PLAAT3: variants seen among roughly 807,000 people sequenced by gnomAD.
PLAAT3 encodes Ca-independent phospholipase A1/2.
In PLAAT3, 21 loss-of-function variants were observed where a neutral mutation model predicts 16.7. The observed-to-expected ratio is 1.26, with a 90% confidence interval of 0.89 to 1.81. The LOEUF (loss-of-function observed/expected upper bound fraction) is 1.81. PLAAT3 is among the 40% of genes most tolerant of loss of function. PLAAT3 has a pLI of 0.00. For missense variants in PLAAT3, 219 were observed against 213.7 expected (o/e 1.02, Z -0.16); for synonymous variants, 76 against 81.7 (o/e 0.93, Z 0.38).
At chr11:63,603,523 A>G (rs1180038271) in intron 2 of PLAAT3, among the ~76,000 whole-genome samples, 1 of 152,148 alleles carries the variant, frequency 6.6e-6, no homozygotes, top group East Asian at 1.9e-4. Context: ...TGCCGGGCTT[A>G]ATACCCAGGT....
In PLAAT3 at chr11:63,598,163, G is replaced by A. The variant is rs1213178424; in HGVS notation, c.16C>T (p.Pro6Ser). Residue 6 changes from proline (P) to serine (S), a missense_variant and splice_region_variant, in exon 3 of 5, where the codon CCA (proline) becomes TCA (serine). Physicochemically the swap from Pro to Ser is moderately conservative, Grantham distance 74 (BLOSUM62 -1). Coordinates refer to ENST00000415826, the MANE Select transcript of PLAAT3 (RefSeq NM_001128203.2). ...ATCAGGTCTCCAGGCTTAGGCTCTG[G>A]CTGCAAAACCAAGAACAGGGCTGTT... MRAPI[P>S]EPKPGDLIEI... 1.9e-6 allele frequency: 3 copies of A among 1,610,304 alleles called. No individual in the cohort carries two copies. The highest frequency in any genetic ancestry group is 1.7e-5 in the Admixed American group (1 of 59,982).
chr11:63,611,079 A>T (rs571272033), intron 2 of PLAAT3, among the ~76,000 whole-genome samples: 1 of 152,176 alleles, frequency 6.6e-6, no homozygotes, highest in East Asian at 1.9e-4. Flanking sequence ...ATTGCTGTAG[A>T]GGATAGTTTT....
chr11:63,609,717 T>C (rs1050640487), intron 2 of PLAAT3, among the ~76,000 whole-genome samples: 15 of 152,150 alleles, frequency 9.9e-5, no homozygotes, highest in African/African-American at 3.4e-4. Context: ...TGCCACCCTG[T>C]GCCCAGGCCT....
chr11:63,607,040 T>C (rs150491120), intron 2 of PLAAT3, among the ~76,000 whole-genome samples: 1,565 of 152,018 alleles, frequency 0.01, 16 homozygotes, highest in Middle Eastern at 0.095. Flanking sequence ...GATCTGGGCA[T>C]GAGTAGTAAT....
At chr11:63,581,957 G>T (rs1937829187) in intron 4 of PLAAT3, among the ~76,000 whole-genome samples, 1 of 152,198 alleles carries the variant, frequency 6.6e-6, no homozygotes, top group African/African-American at 2.4e-5. Context: ...CACTAGAAAA[G>T]AATGTCAATG....
intron 2 of PLAAT3, among the ~76,000 whole-genome samples, chr11:63,603,703 TACACACAC>T (rs67821162): frequency 0.1 from 11,894 of 116,830 alleles, 537 homozygotes; most frequent in South Asian, 0.17. Flanking sequence ...TAAATTATCC[TACACACAC>T]ACACACACAC....
At chr11:63,593,048 T>G (rs750270455) in intron 3 of PLAAT3, among the ~76,000 whole-genome samples, 6 of 152,156 alleles carry the variant, frequency 3.9e-5, no homozygotes, top group East Asian at 3.9e-4. Context: ...TCCCCAACCC[T>G]CTATCTACCA....
At chr11:63,585,610 A>G (rs1350090576) in intron 4 of PLAAT3, among the ~76,000 whole-genome samples, 2 of 152,116 alleles carry the variant, frequency 1.3e-5, no homozygotes, top group African/African-American at 2.4e-5. Flanking sequence ...CAAGAAATGA[A>G]AGAGGAAATC....
intron 2 of PLAAT3, among the ~76,000 whole-genome samples, chr11:63,598,410 T>C (rs968491373): frequency 2.6e-5 from 4 of 152,260 alleles, no homozygotes; most frequent in Admixed American, 2.6e-4. Context: ...GGTTTCTTCA[T>C]GAGCTGGAGT....
At chr11:63,582,695 G>A (rs1937855729) in intron 4 of PLAAT3, among the ~76,000 whole-genome samples, 1 of 152,138 alleles carries the variant, frequency 6.6e-6, no homozygotes, top group Admixed American at 6.6e-5. Context: ...TTACACTGCT[G>A]TGTTTCCTGA....
chr11:63,616,176 A>G (rs1177741622), upstream of PLAAT3: 1 of 152,176 alleles, frequency 6.6e-6, no homozygotes, highest in Non-Finnish European at 1.5e-5. Context: ...CATGTTGTGC[A>G]ATAGATCTGG....
chr11:63,613,841 G>C (rs1002708820), intron 2 of PLAAT3, among the ~76,000 whole-genome samples, 159 bp downstream of exon 2: 28 of 152,198 alleles, frequency 1.8e-4, no homozygotes, highest in African/African-American at 6.8e-4. Context: ...GGTGCGCGCC[G>C]ACCCGCAGCT....
chr11:63,575,377 C>T (rs1261969462), intron 4 of PLAAT3, among the ~76,000 whole-genome samples: 2 of 152,124 alleles, frequency 1.3e-5, no homozygotes, highest in East Asian at 3.9e-4. Flanking sequence ...TCTTGGCTGG[C>T]CAATGGGGAG....
chr11:63,583,588 C>T (rs937647550), intron 4 of PLAAT3, among the ~76,000 whole-genome samples: 30 of 152,168 alleles, frequency 2.0e-4, no homozygotes, highest in African/African-American at 7.0e-4. Flanking sequence ...ATGGGAAAAA[C>T]TCTCTCTCCA....
chr11:63,587,008 C>T (rs906316105), intron 4 of PLAAT3, among the ~76,000 whole-genome samples: 15 of 152,208 alleles, frequency 9.9e-5, no homozygotes, highest in Non-Finnish European at 1.5e-5. Flanking sequence ...CACTTGAACC[C>T]AGGAGGCAGA....
rs879695272 is a variant in PLAAT3 at position 63,574,462 on chromosome 11, CT to C, written c.*482del. 7.3e-3 allele frequency: 1,060 copies of C among 144,952 alleles called. 4 individuals carry two copies. The highest frequency in any genetic ancestry group is 0.017 in the Middle Eastern group (5 of 286). The allele number at this position is 144,952 out of a possible 1,614,324, so 9.0% of individuals were successfully genotyped here. ...TACTAAATTTCCTTATAGCCGAGGA[CT>C]TTTTTTTTTTCAACTCAGCTGAACA... On this transcript the variant is annotated 3_prime_UTR_variant, in exon 5 of 5. Coordinates refer to ENST00000415826, the MANE Select transcript of PLAAT3 (RefSeq NM_001128203.2).
chr11:63,579,078 C>A (rs1324659645), intron 4 of PLAAT3, among the ~76,000 whole-genome samples: 1 of 152,212 alleles, frequency 6.6e-6, no homozygotes, highest in African/African-American at 2.4e-5. Flanking sequence ...TGAACAGACA[C>A]TTCTCAAAGG....
chr11:63,591,823 C>T (rs1380904092), intron 3 of PLAAT3, among the ~76,000 whole-genome samples: 1 of 152,234 alleles, frequency 6.6e-6, no homozygotes, highest in African/African-American at 2.4e-5. Context: ...TGGGGCCCAC[C>T]CAGCCTCAGC....
chr11:63,591,812 C>G (rs2134409936), intron 3 of PLAAT3, among the ~76,000 whole-genome samples: 1 of 152,352 alleles, frequency 6.6e-6, no homozygotes, highest in African/African-American at 2.4e-5. Flanking sequence ...GGATGAGCTC[C>G]TGGGGCCCAC....
Sources: gnomAD v4.1 joint callset for allele counts (sites outside exome capture counted in the v4.1 genomes callset) on GRCh38, gnomAD v4.1.1 for gene constraint, MANE v1.5 for transcripts, NCBI Gene and HGNC (gene_info 2026-07-23, HGNC 2026-07-21) for gene names.